Variants in NOC2L observed in about 807,000 individuals in gnomAD.
NOC2L encodes nucleolar complex protein 2 homolog.
In NOC2L, 101 loss-of-function variants were observed where a neutral mutation model predicts 94.2. That is an observed-to-expected ratio of 1.07 (90% CI 0.91 to 1.26). The LOEUF (loss-of-function observed/expected upper bound fraction) is 1.26. NOC2L is among the 50% of genes most tolerant of loss of function. NOC2L has a pLI of 0.00. For synonymous variants in NOC2L, 531 were observed against 413.4 expected, an observed-to-expected ratio of 1.28 and a Z score of -3.45; for missense variants, 1,076 against 980.1, an observed-to-expected ratio of 1.10 and a Z score of -1.31.
Position 954,029 on chromosome 1 carries a change from T to C in NOC2L, c.752A>G (p.Lys251Arg), listed in dbSNP as rs770343875. The C allele has an allele frequency of 3.1e-6, 5 of 1,607,664 alleles. No individual in the cohort carries two copies. Among genetic ancestry groups the C allele is most frequent in the East Asian group, 2.2e-5 (1 of 44,760 alleles). ...CTGTATGGCCGAGCCCAGGTAAGCCTTGATGTCCACACGAAGCTTCCCCCA... is the reference window on the plus strand; with the variant it reads ...CTGTATGGCCGAGCCCAGGTAAGCCCTGATGTCCACACGAAGCTTCCCCCA... ...PLWGKLRVDI[K>R]AYLGSAIQLV... The change falls in exon 7 of 19, where the codon AAG becomes AGG. Residue 251 changes from lysine (K) to arginine (R), a missense_variant. This residue lies in a region of NOC2L where 457 missense variants were observed against 386.0 expected (regional missense o/e 1.18). Transcript: ENST00000327044.
Position 952,457 on chromosome 1 carries a change from G to C in NOC2L, c.1146C>G (p.Arg382=), listed in dbSNP as rs1444055922. ...VAYQHAFLYI[R]QLAIHLRNAM... is the part of the protein sequence containing the mutation. ...CGTTGCGCAGGTGTATGGCGAGCTG[G>C]CGGATGTAGAGGAAGGCGTGCTGGT... The change falls in exon 10 of 19, where the codon CGC becomes CGG. Residue 382 remains arginine (R), a synonymous_variant. Transcript: ENST00000327044. 1 of 1,613,742 alleles carries C rather than the reference G, an allele frequency of 6.2e-7. No homozygotes were observed. The highest frequency in any genetic ancestry group is 8.5e-7 in the Non-Finnish European group (1 of 1,180,012).
chr1:944,774 G>C lies in NOC2L; in HGVS notation c.2170C>G (p.Leu724Val). Residue 724 changes from leucine (L) to valine (V), a missense_variant, in exon 19 of 19, where the codon CTG (leucine) becomes GTG (valine). Coordinates refer to ENST00000327044, the MANE Select transcript of NOC2L (RefSeq NM_015658.4). ...EDGDPDAEAGLAPGELQQLAQ... is the reference protein window; with the variant it reads ...EDGDPDAEAGVAPGELQQLAQ... Reference sequence around the variant, plus strand: ...AGCTGCTGCAGCTCCCCAGGGGCCAGCCCCGCCTCTGCGTCTGGGTCTCCA... The same window carrying C: ...AGCTGCTGCAGCTCCCCAGGGGCCACCCCCGCCTCTGCGTCTGGGTCTCCA... 6.3e-7 allele frequency: 1 copy of C among 1,597,160 alleles called. No homozygotes were observed. Among genetic ancestry groups the C allele is most frequent in the Non-Finnish European group, 8.5e-7 (1 of 1,176,278 alleles).
intron 12 of NOC2L, among the ~76,000 whole-genome samples, chr1:949,435 A>G (rs4246503): frequency 0.93 from 141,801 of 152,274 alleles, 66,058 homozygotes; most frequent in Non-Finnish European, 0.95. Context: ...AGCCTGGGCC[A>G]AAAGTATGGG....
At chr1:946,121 C>G in intron 16 of NOC2L, 52 bp downstream of exon 16, 10 of 1,355,254 alleles carry the variant, frequency 7.4e-6, no homozygotes, top group Non-Finnish European at 8.3e-6. Context: ...TGCGCTAGAT[C>G]TGAAACCCAG....
intron 17 of NOC2L, 30 bp downstream of exon 17, chr1:945,488 C>A (rs1465244587): frequency 6.2e-7 from 1 of 1,612,004 alleles, no homozygotes; most frequent in Non-Finnish European, 8.5e-7. Flanking sequence ...CAGGCCCACC[C>A]TTCCCCTGGG....
Position 944,760 on chromosome 1 carries a change from C to T in NOC2L, c.2184G>A (p.Glu728=), listed in dbSNP as rs776229392. The change falls in exon 19 of 19, where the codon GAG becomes GAA. Residue 728 remains glutamate (E), a synonymous_variant. Transcript: ENST00000327044. The part of the protein sequence containing the change: ...PDAEAGLAPG[E]LQQLAQGPED... ...CCGGCCCCTGGGCCAGCTGCTGCAG[C>T]TCCCCAGGGGCCAGCCCCGCCTCTG... The T allele has an allele frequency of 1.9e-6, 3 of 1,599,690 alleles. No individual in the cohort carries two copies. The highest frequency in any genetic ancestry group is 1.7e-4 in the Middle Eastern group (1 of 6,038).
rs567518523 is a variant in NOC2L, at chr1:944,472, C to G, written c.*222G>C. 5.7e-6 allele frequency: 4 copies of G among 701,496 alleles called. No homozygotes were observed. In the African/African-American group the frequency reaches 7.4e-5, roughly 13 times the overall value. The allele number at this position is 701,496 out of a possible 1,614,324, so 43.5% of individuals were successfully genotyped here. ...GTCAGCTCCCCCGCGGAGCTGACTT[C>G]AGCAGCCCACAGCTGTGGGGCTTCA... On this transcript the variant is annotated 3_prime_UTR_variant, in exon 19 of 19. Transcript: ENST00000327044.
intron 13 of NOC2L, 37 bp downstream of exon 13, chr1:948,453 G>A (rs1238392728): frequency 6.6e-7 from 1 of 1,508,992 alleles, no homozygotes; most frequent in Non-Finnish European, 9.2e-7. Context: ...CCCACCCTGG[G>A]AACTGCCCAG....
At chr1:957,294 G>A (rs367614026) in intron 2 of NOC2L, 21 bp from the exon 3 acceptor site, 7 of 1,611,210 alleles carry the variant, frequency 4.3e-6, no homozygotes, top group African/African-American at 2.7e-5. Flanking sequence ...AGAAGTCAGC[G>A]ACCCCAGTGG....
chr1:949,827 G>A (rs1482956401), intron 12 of NOC2L, among the ~76,000 whole-genome samples: 1 of 152,202 alleles, frequency 6.6e-6, no homozygotes, highest in African/African-American at 2.4e-5. Flanking sequence ...TGCCTCAGTG[G>A]AAGGGGAATC....
chr1:956,516 ACT>A (rs1367719084), intron 4 of NOC2L, among the ~76,000 whole-genome samples: 1 of 152,050 alleles, frequency 6.6e-6, no homozygotes, highest in Non-Finnish European at 1.5e-5. Flanking sequence ...GGAAAAAAAC[ACT>A]GTGAGAGGCT....
At chr1:946,051 G>A (rs965862938) in intron 16 of NOC2L, 122 bp downstream of exon 16, 11 of 740,172 alleles carry the variant, frequency 1.5e-5, no homozygotes, top group South Asian at 5.2e-5. Flanking sequence ...CGAATCATCC[G>A]GGCACGGCCC....
chr1:952,300 G>T, intron 10 of NOC2L, 112 bp downstream of exon 10: 2 of 1,440,164 alleles, frequency 1.4e-6, no homozygotes, highest in Non-Finnish European at 9.5e-7. Flanking sequence ...CCAGGGTGCT[G>T]GGCTGTCTCC....
intron 4 of NOC2L, 116 bp from the exon 5 acceptor site, chr1:956,331 G>C: frequency 2.4e-6 from 3 of 1,226,946 alleles, no homozygotes; most frequent in Non-Finnish European, 3.4e-6. Context: ...TAGGGCAGAG[G>C]TTGGGGGGAG....
chr1:945,423 C>CT, intron 17 of NOC2L, 95 bp downstream of exon 17: 1 of 1,464,682 alleles, frequency 6.8e-7, no homozygotes, highest in Non-Finnish European at 9.3e-7. Flanking sequence ...GGTGAGCCCC[C>CT]TGCAGGATGG....
At chr1:950,015 T>G (rs1642209605) in intron 12 of NOC2L, among the ~76,000 whole-genome samples, 1 of 152,220 alleles carries the variant, frequency 6.6e-6, no homozygotes, top group African/African-American at 2.4e-5. Flanking sequence ...CCACTGAAAG[T>G]TGAAACTTCG....
chr1:948,769 G>C (rs1475267771), intron 12 of NOC2L, among the ~76,000 whole-genome samples, 166 bp from the exon 13 acceptor site: 1 of 14,004 alleles, frequency 7.1e-5, no homozygotes, highest in Non-Finnish European at 2.6e-4. Flanking sequence ...CGAAACAAGA[G>C]ATAAGCAGCT....
chr1:948,397 A>G, intron 13 of NOC2L, 93 bp downstream of exon 13: 1 of 1,100,472 alleles, frequency 9.1e-7, no homozygotes, highest in Non-Finnish European at 1.4e-6. Context: ...CCATGCTTGA[A>G]CTTGGAGGAT....
At chr1:958,204 G>A (rs1642469585) in intron 2 of NOC2L, 1 of 158,910 alleles carries the variant, frequency 6.3e-6, no homozygotes, top group African/African-American at 2.4e-5. Context: ...GAGTAGCTGG[G>A]ACGACAGGTG....
Sources: allele counts gnomAD v4.1 joint callset (sites outside exome capture counted in the v4.1 genomes callset), GRCh38; gene constraint gnomAD v4.1.1; regional missense constraint gnomAD v4.1.1; transcripts MANE v1.5; gene names NCBI Gene and HGNC (gene_info 2026-07-23, HGNC 2026-07-21).